Variants in OTOF observed in about 807,000 individuals in gnomAD.
The protein encoded by OTOF is otoferlin, also known as fer-1-like family member 2.
A neutral mutation model predicts 236.8 loss-of-function variants in OTOF; 218 were observed. The observed-to-expected ratio is 0.92, with a 90% CI of 0.82 to 1.03. OTOF has a LOEUF of 1.03. OTOF is among the 50% of genes least tolerant of loss of function. The pLI is 0.00. For synonymous variants in OTOF, 1,041 were observed against 1,072.5 expected (o/e 0.97, Z 0.57); for missense variants, 2,590 against 2,694.4 (o/e 0.96, Z 0.86).
At chr2:26,508,342 A>T (rs1666301471) in intron 5 of OTOF, among the ~76,000 whole-genome samples, 2 of 152,266 alleles carry the variant, frequency 1.3e-5, no homozygotes, top group Admixed American at 1.3e-4. Context: ...AGGGAATTTC[A>T]TAATTTTGGT....
chr2:26,516,440 GGGGCCGGGAGCT>G lies in OTOF; in HGVS notation c.475_486del (p.Ser159_Pro162del), dbSNP rs1666526895. 6.2e-6 allele frequency: 10 copies of G among 1,613,948 alleles called. No homozygotes were observed. Among genetic ancestry groups the G allele is most frequent in the Non-Finnish European group, 7.6e-6 (9 of 1,179,956 alleles). ...TACCTCCGGAAGCTCTTCTCTCCTG[GGGGCCGGGAGCT>G]GGGCCGGGAGCCTGGGAGCAGTCCA... is the stretch of plus-strand genomic sequence containing the variant. On this transcript the variant is annotated inframe_deletion, in exon 5 of 47. Coordinates refer to ENST00000272371, the MANE Select transcript of OTOF (RefSeq NM_194248.3).
chr2:26,551,539 G>C lies in OTOF; in HGVS notation c.79+6954C>G, dbSNP rs79112395. On this transcript the variant is annotated intron_variant, in intron 1 of 46. Transcript: ENST00000272371. ...TAAGTGGGTTTCCTCACCATGAGCT[G>C]CCTGGGCACCTGTGCCTCCCTTCCA... Among the ~76,000 whole-genome samples, 1,112 of 152,258 alleles carry C rather than the reference G, an allele frequency of 7.3e-3. 16 individuals carry two copies. The highest frequency in any genetic ancestry group is 0.025 in the African/African-American group (1,050 of 41,536).
chr2:26,556,422 T>C (rs1295217611), intron 1 of OTOF, among the ~76,000 whole-genome samples: 1 of 152,292 alleles, frequency 6.6e-6, no homozygotes, highest in Non-Finnish European at 1.5e-5. Flanking sequence ...AAAGGTACTT[T>C]CTGGAAACTG....
chr2:26,504,526 C>G (rs11901556), intron 5 of OTOF, among the ~76,000 whole-genome samples: 36,960 of 152,084 alleles, frequency 0.24, 5,316 homozygotes, highest in East Asian at 0.51. Context: ...TTCTACCTGT[C>G]CCCTCTCACT....
chr2:26,524,586 G>T (rs1178734152), intron 3 of OTOF, among the ~76,000 whole-genome samples: 1 of 152,150 alleles, frequency 6.6e-6, no homozygotes, highest in East Asian at 1.9e-4. Flanking sequence ...TCAATTTCCC[G>T]ATTTCCCAAA....
rs372718142 is a variant in OTOF, at chr2:26,478,897, CTA to C, written c.2214+365_2214+366del. Among the ~76,000 whole-genome samples, 158 of 152,342 alleles carry C rather than the reference CTA, an allele frequency of 1.0e-3. 4 individuals are homozygous for C. In the South Asian group the frequency reaches 0.031, roughly 30 times the overall value. On this transcript the variant is annotated intron_variant, in intron 18 of 46. Coordinates refer to ENST00000272371, the MANE Select transcript of OTOF (RefSeq NM_194248.3). ...CATTTTTAGTAGAGACGGCATTTCA[CTA>C]TGTTGGCCAGGATGGTCTCGAACTC...
chr2:26,458,156 T>G lies in OTOF; in HGVS notation c.*82A>C. On this transcript the variant is annotated 3_prime_UTR_variant, in exon 47 of 47. Coordinates refer to ENST00000272371, the MANE Select transcript of OTOF (RefSeq NM_194248.3). ...TTGATGATGAGCCACTTGTACCGGGTGCAGATGAGGTACTTGATGGACTTG... is the reference window on the plus strand; with the variant it reads ...TTGATGATGAGCCACTTGTACCGGGGGCAGATGAGGTACTTGATGGACTTG... 6.2e-7 allele frequency: 1 copy of G among 1,613,844 alleles called. No individual in the cohort carries two copies. Among genetic ancestry groups the G allele is most frequent in the Non-Finnish European group, 8.5e-7 (1 of 1,179,912 alleles).
At chr2:26,463,419 G>T in intron 41 of OTOF, 64 bp downstream of exon 41, 2 of 1,341,278 alleles carry the variant, frequency 1.5e-6, no homozygotes, top group Non-Finnish European at 2.1e-6. Context: ...GGAAGGGTTG[G>T]GCCGTGGTGG....
chr2:26,459,931 T>C, intron 46 of OTOF, 77 bp downstream of exon 46: 1 of 1,340,610 alleles, frequency 7.5e-7, no homozygotes, highest in Non-Finnish European at 1.0e-6. Context: ...TGTTTGTGGA[T>C]GTGTGCGTGT....
intron 8 of OTOF, among the ~76,000 whole-genome samples, chr2:26,497,971 A>G (rs1475349251): frequency 1.3e-5 from 2 of 152,178 alleles, no homozygotes; most frequent in African/African-American, 4.8e-5. Flanking sequence ...TCCACAACTA[A>G]TGCCCCCACC....
chr2:26,472,522 G>T lies in OTOF; in HGVS notation c.3861C>A (p.Asp1287Glu). Residue 1287 changes from aspartate to glutamate, a missense_variant, in exon 30 of 47, where the codon GAC becomes GAA. Physicochemically the swap from Asp to Glu is conservative, Grantham distance 45. Around this residue, in one of 2 missense-constraint regions of OTOF, gnomAD observed 1,211 missense variants for 1,352.8 expected, o/e 0.90. Transcript: ENST00000272371. Reference sequence around the variant, plus strand: ...GGGCTGACCCCACCCGCCTTACCGCGTCCAGCTTCACCATGGTCTCCAGTT... The same window carrying T: ...GGGCTGACCCCACCCGCCTTACCGCTTCCAGCTTCACCATGGTCTCCAGTT... The part of the protein sequence containing the change: ...IKKLETMVKL[D>E]ATSEAVVKVD... The T allele has an allele frequency of 1.2e-6, 2 of 1,613,468 alleles. No homozygotes were observed. Among genetic ancestry groups the T allele is most frequent in the Non-Finnish European group, 1.7e-6 (2 of 1,179,984 alleles).
intron 1 of OTOF, among the ~76,000 whole-genome samples, chr2:26,538,674 G>A (rs2148123939): frequency 6.6e-6 from 1 of 152,302 alleles, no homozygotes; most frequent in Admixed American, 6.5e-5. Context: ...AGCCGCTGGA[G>A]TCTCTGATGT....
intron 12 of OTOF, 135 bp downstream of exon 12, chr2:26,484,339 G>C: frequency 2.2e-6 from 2 of 908,018 alleles, no homozygotes; most frequent in Non-Finnish European, 3.5e-6. Context: ...GGAAGAGTGG[G>C]GCTGCTTGGG....
At chr2:26,458,470 T>G (rs926790197) in intron 46 of OTOF, among the ~76,000 whole-genome samples, 6 of 152,220 alleles carry the variant, frequency 3.9e-5, no homozygotes, top group African/African-American at 1.4e-4. Flanking sequence ...ACTTGCAGCA[T>G]GGGGCAGCCT....
chr2:26,536,878 C>T (rs1238040540), intron 2 of OTOF, among the ~76,000 whole-genome samples: 2 of 152,190 alleles, frequency 1.3e-5, no homozygotes, highest in Non-Finnish European at 2.9e-5. Context: ...GCAGCAAACA[C>T]ATAGACGAAA....
chr2:26,556,339 G>A (rs1309240561), intron 1 of OTOF, among the ~76,000 whole-genome samples: 2 of 152,116 alleles, frequency 1.3e-5, no homozygotes, highest in Non-Finnish European at 2.9e-5. Context: ...GTCAGTGTTG[G>A]TCTTTTGGGG....
rs1361073025 is a variant in OTOF, at chr2:26,460,268, G to A, written c.5814-63C>T. On this transcript the variant is annotated intron_variant, in intron 45 of 46. Coordinates refer to ENST00000272371, the MANE Select transcript of OTOF (RefSeq NM_194248.3). The surrounding 1 kb of genome is among the most constrained non-coding windows in gnomAD (Gnocchi z 5.3). Reference sequence around the variant, plus strand: ...GGGAGGAGAAGGGATTGGGTGTGGCGAGGGGCCAAGACCAAGAGGGAAGCT... The same window carrying A: ...GGGAGGAGAAGGGATTGGGTGTGGCAAGGGGCCAAGACCAAGAGGGAAGCT... 10 of 1,338,760 alleles carry A rather than the reference G, an allele frequency of 7.5e-6. No individual in the cohort carries two copies. The highest frequency in any genetic ancestry group is 3.9e-5 in the Admixed American group (2 of 51,328). The allele number at this position is 1,338,760 out of a possible 1,614,324, so 82.9% of individuals were successfully genotyped here. A position where few individuals can be genotyped will look rare whatever the true frequency, so the allele number is the denominator to read the frequency against.
At chr2:26,552,091 T>TAAAAA (rs70950198) in intron 1 of OTOF, among the ~76,000 whole-genome samples, 40 of 141,182 alleles carry the variant, frequency 2.8e-4, no homozygotes, top group African/African-American at 9.1e-4. Flanking sequence ...TATAAAAAGT[T>TAAAAA]AAAAAAAAAA....
chr2:26,467,065 G>A (rs1242334996), intron 35 of OTOF, 34 bp downstream of exon 35: 1 of 1,610,020 alleles, frequency 6.2e-7, no homozygotes, highest in African/African-American at 1.3e-5. Context: ...AGGGCTGGCG[G>A]GTGCTCAGGC....
Sources: gnomAD v4.1 joint callset for allele counts (sites outside exome capture counted in the v4.1 genomes callset) on GRCh38, gnomAD v4.1.1 for gene constraint, gnomAD v4.1.1 regional missense constraint, Gnocchi (gnomAD v3.1) non-coding constraint, MANE v1.5 for transcripts, NCBI Gene and HGNC (gene_info 2026-07-23, HGNC 2026-07-21) for gene names.